Variants in TAS2R1 observed in about 807,000 individuals in gnomAD.
TAS2R1 encodes taste receptor type 2 member 1.
For missense variants in TAS2R1, 370 were observed against 353.4 expected (o/e 1.05, Z -0.38); for synonymous variants, 141 against 134.2 (o/e 1.05, Z -0.35).
the TAS2R1 span, among the ~76,000 whole-genome samples, chr5:9,807,547 A>G: frequency 6.6e-6 from 1 of 152,190 alleles, no homozygotes; most frequent in Non-Finnish European, 1.5e-5. Flanking sequence ...TGGTATATCT[A>G]CATACCATGG....
the TAS2R1 span, among the ~76,000 whole-genome samples, chr5:9,858,578 C>T: frequency 6.6e-6 from 1 of 152,118 alleles, no homozygotes; most frequent in African/African-American, 2.4e-5. Context: ...AGTTCAAGAG[C>T]AGGATAATCT....
At chr5:9,667,984 G>A (rs962243386) in intron 1 of TAS2R1, among the ~76,000 whole-genome samples, 17 of 152,126 alleles carry the variant, frequency 1.1e-4, no homozygotes, top group East Asian at 5.8e-4. Context: ...TTGACATCCC[G>A]GAGAAAGTTA....
the TAS2R1 span, among the ~76,000 whole-genome samples, chr5:9,717,642 T>C: frequency 6.6e-6 from 1 of 151,238 alleles, no homozygotes; most frequent in Non-Finnish European, 1.5e-5. Flanking sequence ...CACTGGCACA[T>C]GAATAGACTG....
the TAS2R1 span, among the ~76,000 whole-genome samples, chr5:9,773,232 C>T: frequency 6.6e-6 from 1 of 151,886 alleles, no homozygotes; most frequent in Admixed American, 6.6e-5. Context: ...ATCTTAGAAC[C>T]AACTATTTTA....
Position 9,628,152 on chromosome 5 carries a change from C to CTATCTATA in TAS2R1, c.*980_*981insTATAGATA, listed in dbSNP as rs1054503308. The stretch of plus-strand genomic sequence containing the variant: ...TTTATCTATCTATCTATCTATCTAT[C>CTATCTATA]TATCTATCTATCTATCTATCTATCT... On this transcript the variant is annotated 3_prime_UTR_variant, in exon 1 of 1. Coordinates refer to ENST00000382492, the MANE Select transcript of TAS2R1 (RefSeq NM_019599.3). Among the ~76,000 whole-genome samples the CTATCTATA allele has an allele frequency of 1.3e-4, 19 of 151,686 alleles. No individual in the cohort carries two copies. Among genetic ancestry groups the CTATCTATA allele is most frequent in the Non-Finnish European group, 1.3e-4 (9 of 67,970 alleles).
chr5:9,732,613 A>G, the TAS2R1 span, among the ~76,000 whole-genome samples: 2 of 152,152 alleles, frequency 1.3e-5, no homozygotes, highest in Non-Finnish European at 2.9e-5. Context: ...TGAGGTGGAG[A>G]AGACTATTGA....
the TAS2R1 span, among the ~76,000 whole-genome samples, chr5:9,745,447 G>A: frequency 5.9e-5 from 9 of 151,968 alleles, no homozygotes; most frequent in South Asian, 6.2e-4. Context: ...AACACCCAGG[G>A]TAGCATAGCC....
chr5:9,695,070 C>T (rs1741331102), intron 1 of TAS2R1, among the ~76,000 whole-genome samples: 2 of 152,266 alleles, frequency 1.3e-5, no homozygotes, highest in African/African-American at 2.4e-5. Context: ...GGTTACGCAC[C>T]AGTACATGAC....
upstream of TAS2R1, among the ~76,000 whole-genome samples, chr5:9,714,711 C>G (rs965062872): frequency 6.6e-6 from 1 of 152,214 alleles, no homozygotes; most frequent in East Asian, 1.9e-4. Context: ...GGGATTCTGG[C>G]TGAAGCTTTA....
chr5:9,859,916 A>G, the TAS2R1 span, among the ~76,000 whole-genome samples: 1 of 152,232 alleles, frequency 6.6e-6, no homozygotes, highest in African/African-American at 2.4e-5. Context: ...GAAAACAGCA[A>G]TGTAAGGAGC....
At chr5:9,853,032 G>C in the TAS2R1 span, among the ~76,000 whole-genome samples, 4,495 of 152,270 alleles carry the variant, frequency 0.03, 138 homozygotes, top group African/African-American at 0.081. Flanking sequence ...CGGGAGAGCA[G>C]TGGGGAGGTA....
At chr5:9,797,704 C>G in the TAS2R1 span, among the ~76,000 whole-genome samples, 32 of 152,218 alleles carry the variant, frequency 2.1e-4, no homozygotes, top group African/African-American at 7.7e-4. Context: ...GATGCCACTG[C>G]TGATTCTGCA....
At chr5:9,750,880 C>T in the TAS2R1 span, among the ~76,000 whole-genome samples, 1 of 152,030 alleles carries the variant, frequency 6.6e-6, no homozygotes, top group African/African-American at 2.4e-5. Context: ...TCCTCACATA[C>T]AAATGCCATA....
chr5:9,803,106 A>G, the TAS2R1 span, among the ~76,000 whole-genome samples: 5 of 152,220 alleles, frequency 3.3e-5, no homozygotes, highest in Non-Finnish European at 7.3e-5. Flanking sequence ...AATGTACTGG[A>G]AAGTCTAAGC....
chr5:9,827,098 C>T, the TAS2R1 span, among the ~76,000 whole-genome samples: 36 of 152,268 alleles, frequency 2.4e-4, no homozygotes, highest in African/African-American at 6.7e-4. Flanking sequence ...CTCCCTTTTC[C>T]GCTCACAGAC....
the TAS2R1 span, among the ~76,000 whole-genome samples, chr5:9,776,872 G>A: frequency 6.6e-6 from 1 of 152,130 alleles, no homozygotes; most frequent in African/African-American, 2.4e-5. Context: ...CCAATAAAGT[G>A]AGTCATATGA....
At chr5:9,725,130 AGGTGACAGCGTGCTGGCAGT>A in the TAS2R1 span, among the ~76,000 whole-genome samples, 46 of 152,326 alleles carry the variant, frequency 3.0e-4, no homozygotes, top group African/African-American at 9.6e-4. Flanking sequence ...TCCTAGTGAG[AGGTGACAGCGTGCTGGCAGT>A]GGTGACAGCG....
At chr5:9,642,560 C>T (rs1373607303) in intron 2 of TAS2R1, among the ~76,000 whole-genome samples, 2 of 152,168 alleles carry the variant, frequency 1.3e-5, no homozygotes, top group African/African-American at 4.8e-5. Context: ...CTTCTCTCCA[C>T]TTGAATTTGC....
At chr5:9,850,725 C>T in the TAS2R1 span, among the ~76,000 whole-genome samples, 6 of 152,300 alleles carry the variant, frequency 3.9e-5, no homozygotes, top group East Asian at 1.9e-4. Flanking sequence ...GATGGGCACA[C>T]GTGTAAGTAT....
Sources: allele counts gnomAD v4.1 joint callset (sites outside exome capture counted in the v4.1 genomes callset), GRCh38; gene constraint gnomAD v4.1.1; transcripts MANE v1.5; gene names NCBI Gene and HGNC (gene_info 2026-07-23, HGNC 2026-07-21).